Variants in TLE1 observed in about 807,000 individuals in gnomAD.
TLE1 encodes the protein transducin-like enhancer protein 1.
TLE1 carries 21 observed loss-of-function variants against 89.8 expected under a neutral mutation model. The ratio of observed to expected loss-of-function variants is 0.23; its 90% CI spans 0.17 to 0.34. The LOEUF (loss-of-function observed/expected upper bound fraction) is 0.34. Among genes scored for constraint, TLE1 ranks in the 10% least tolerant of loss-of-function variants. TLE1 has a pLI of 1.00. For synonymous variants in TLE1, 447 were observed against 407.6 expected, an observed-to-expected ratio of 1.10 and a Z score of -1.16; for missense variants, 795 against 1,031.2, an observed-to-expected ratio of 0.77 and a Z score of 3.14.
chr9:81,634,317 G>A lies in TLE1; in HGVS notation c.373-16C>T. The A allele has an allele frequency of 1.4e-6, 2 of 1,478,362 alleles. No individual in the cohort carries two copies. The highest frequency in any genetic ancestry group is 1.8e-6 in the Non-Finnish European group (2 of 1,102,892). The allele number at this position is 1,478,362 out of a possible 1,614,324, so 91.6% of individuals were successfully genotyped here. ...ACTGCTGCTGCTGTTGGTGGTGGTG[G>A]TGAGAGAGAAAAAGGAGGAGGAGGA... On this transcript the variant is annotated splice_polypyrimidine_tract_variant and intron_variant, in intron 6 of 19. Coordinates refer to ENST00000376499, the MANE Select transcript of TLE1 (RefSeq NM_005077.5).
intron 14 of TLE1, among the ~76,000 whole-genome samples, chr9:81,606,991 T>C (rs533052310): frequency 1.0e-4 from 15 of 148,984 alleles, no homozygotes; most frequent in African/African-American, 3.2e-4. Context: ...TGGGAGGCCA[T>C]GGCAAGAGGA....
At chr9:81,686,942 A>G (rs149581631) in intron 2 of TLE1, among the ~76,000 whole-genome samples, 1 of 152,316 alleles carries the variant, frequency 6.6e-6, no homozygotes, top group Non-Finnish European at 1.5e-5. Flanking sequence ...CTAGTATGGC[A>G]AACAGCGATT....
chr9:81,584,363 T>C (rs1828030598), intron 19 of TLE1, 58 bp from the exon 20 acceptor site: 1 of 1,606,898 alleles, frequency 6.2e-7, no homozygotes, highest in African/African-American at 1.3e-5. Context: ...TCAGAGGCCC[T>C]GCTCCCTCGG....
intron 6 of TLE1, among the ~76,000 whole-genome samples, chr9:81,637,583 ACTGT>A (rs990570829): frequency 2.0e-5 from 3 of 151,100 alleles, no homozygotes; most frequent in African/African-American, 4.9e-5. Context: ...CAAACAGCTC[ACTGT>A]CTGTTATTAG....
intron 4 of TLE1, among the ~76,000 whole-genome samples, chr9:81,657,487 G>A (rs993954083): frequency 6.6e-6 from 1 of 152,116 alleles, no homozygotes; most frequent in Non-Finnish European, 1.5e-5. Flanking sequence ...AACTATGATA[G>A]CAACTATGTG....
At chr9:81,612,105 A>G (rs1439228741) in intron 12 of TLE1, 146 bp from the exon 13 acceptor site, 6 of 673,262 alleles carry the variant, frequency 8.9e-6, no homozygotes, top group Non-Finnish European at 1.3e-5. Flanking sequence ...ATCACCTCCA[A>G]TTTATACACT....
At chr9:81,591,789 T>A (rs1452939839) in intron 15 of TLE1, among the ~76,000 whole-genome samples, 1 of 152,214 alleles carries the variant, frequency 6.6e-6, no homozygotes, top group African/African-American at 2.4e-5. Flanking sequence ...AAGAATTTCA[T>A]GAATGAAGAC....
intron 4 of TLE1, among the ~76,000 whole-genome samples, chr9:81,676,881 G>A (rs1414116331): frequency 6.6e-6 from 1 of 152,194 alleles, no homozygotes. Context: ...TTTTACCACT[G>A]TTTAAAATGT....
At chr9:81,597,800 A>T (rs1250559177) in intron 14 of TLE1, among the ~76,000 whole-genome samples, 2 of 152,228 alleles carry the variant, frequency 1.3e-5, no homozygotes, top group Admixed American at 6.5e-5. Flanking sequence ...CACACAGCAG[A>T]GGTGAAGGAA....
At chr9:81,643,246 T>G (rs200255398) in intron 6 of TLE1, among the ~76,000 whole-genome samples, 30,781 of 147,818 alleles carry the variant, frequency 0.21, 3,659 homozygotes, top group East Asian at 0.48. Context: ...GTTTTTTGGT[T>G]TTTTTTTTTG....
At chr9:81,620,202 T>C (rs1191775340) in intron 9 of TLE1, among the ~76,000 whole-genome samples, 1 of 152,186 alleles carries the variant, frequency 6.6e-6, no homozygotes, top group Admixed American at 6.5e-5. Context: ...AAGTCAGCCC[T>C]GCATTTTCAT....
intron 14 of TLE1, 93 bp from the exon 15 acceptor site, chr9:81,593,367 G>GA: frequency 1.4e-6 from 2 of 1,404,174 alleles, no homozygotes; most frequent in Non-Finnish European, 9.5e-7. Context: ...TGAAAAAGAT[G>GA]AAAAAAAGGA....
rs549688406 is a variant in TLE1 at position 81,623,589 on chromosome 9, G to A, written c.595-3032C>T. Among the ~76,000 whole-genome samples, 495 of 146,212 alleles carry A rather than the reference G, an allele frequency of 3.4e-3. 2 individuals are homozygous for A. Among genetic ancestry groups the A allele is most frequent in the African/African-American group, 0.011 (448 of 39,248 alleles). Reference sequence around the variant, plus strand: ...TGAAAAGGAGTTCGAGACCAGCCTGGCCAACATGGTGAAACCCCATCTGTA... The same window carrying A: ...TGAAAAGGAGTTCGAGACCAGCCTGACCAACATGGTGAAACCCCATCTGTA... On this transcript the variant is annotated intron_variant, in intron 8 of 19. Coordinates refer to ENST00000376499, the MANE Select transcript of TLE1 (RefSeq NM_005077.5).
intron 6 of TLE1, among the ~76,000 whole-genome samples, chr9:81,641,231 A>AAAG (rs10627692): frequency 0.9 from 136,858 of 151,838 alleles, 61,703 homozygotes; most frequent in South Asian, 0.92. Context: ...AAATAAAAAT[A>AAAG]AAGAAGAAAA....
In TLE1 at chr9:81,662,611, T is replaced by C. The variant is rs147897931; in HGVS notation, c.235-8575A>G. Among the ~76,000 whole-genome samples the C allele has an allele frequency of 4.0e-5, 6 of 151,278 alleles. No homozygotes were observed. In the East Asian group the frequency reaches 1.2e-3, roughly 30 times the overall value. ...TACTTGAGGAGCTGAGGTGGTAGAA[T>C]AGCTTGAACCCATGAGGCAGAGGTT... On this transcript the variant is annotated intron_variant, in intron 4 of 19. Transcript: ENST00000376499.
At chr9:81,661,836 T>A (rs187404544) in intron 4 of TLE1, among the ~76,000 whole-genome samples, 59 of 152,048 alleles carry the variant, frequency 3.9e-4, no homozygotes, top group Non-Finnish European at 8.2e-4. Context: ...GTAAGGTAGG[T>A]CATTCAGGAA....
At position 81,587,839 on chromosome 9, in the gene TLE1, A is replaced by C. The variant is rs1828745664; in HGVS notation, c.1830-11T>G. ...TGGCCCTGGAATTGCCTGATAAAAC[A>C]AACCAGATTGAATAATGATTTCCTG... On this transcript the variant is annotated splice_polypyrimidine_tract_variant and intron_variant, in intron 16 of 19. Transcript: ENST00000376499. The C allele has an allele frequency of 6.2e-7, 1 of 1,612,738 alleles. No homozygotes were observed. The highest frequency in any genetic ancestry group is 1.3e-5 in the African/African-American group (1 of 74,606).
At chr9:81,661,913 T>C (rs1302326847) in intron 4 of TLE1, among the ~76,000 whole-genome samples, 1 of 152,138 alleles carries the variant, frequency 6.6e-6, no homozygotes, top group Non-Finnish European at 1.5e-5. Flanking sequence ...AGTGGAACAA[T>C]CATACGTTAC....
rs116582731 is a variant in TLE1 at position 81,619,440 on chromosome 9, C to T, written c.711+1001G>A. Among the ~76,000 whole-genome samples the T allele has an allele frequency of 5.6e-3, 858 of 152,180 alleles. 7 individuals carry two copies. The highest frequency in any genetic ancestry group is 0.02 in the African/African-American group (825 of 41,516). Reference sequence around the variant, plus strand: ...GTTATAAGAGTTAAATGAAATAATCCATGAAAAAATCACAAGGTACCTGGC... The same window carrying T: ...GTTATAAGAGTTAAATGAAATAATCTATGAAAAAATCACAAGGTACCTGGC... On this transcript the variant is annotated intron_variant, in intron 9 of 19. Transcript: ENST00000376499.
Sources: gnomAD v4.1 joint callset for allele counts (sites outside exome capture counted in the v4.1 genomes callset) on GRCh38, gnomAD v4.1.1 for gene constraint, MANE v1.5 for transcripts, NCBI Gene and HGNC (gene_info 2026-07-23, HGNC 2026-07-21) for gene names.